The following ARID3B variants were observed in gnomAD, a reference collection of about 807,000 sequenced individuals.
ARID3B encodes AT-rich interactive domain-containing protein 3B.
ARID3B carries 10 observed loss-of-function variants against 51.9 expected under a neutral mutation model. That is an observed-to-expected ratio of 0.19 (90% CI 0.12 to 0.33). The LOEUF (loss-of-function observed/expected upper bound fraction) is 0.33, where lower values mean the gene tolerates loss of function less well. Among genes scored for constraint, ARID3B ranks in the 10% least tolerant of loss-of-function variants. The probability of loss-of-function intolerance (pLI) is 1.00; values close to 1 mark genes in which losing one functional copy is unlikely to be tolerated. For missense variants in ARID3B, 483 were observed against 716.3 expected (o/e 0.67, Z 3.72); for synonymous variants, 205 against 279.5 (o/e 0.73, Z 2.66).
intron 2 of ARID3B, among the ~76,000 whole-genome samples, chr15:74,562,782 A>G (rs1221482148): frequency 1.3e-5 from 2 of 152,258 alleles, no homozygotes; most frequent in African/African-American, 4.8e-5. Flanking sequence ...GTATGGGAAT[A>G]TGGGAGATCC....
intron 2 of ARID3B, among the ~76,000 whole-genome samples, chr15:74,562,854 T>G (rs2061683785): frequency 6.6e-6 from 1 of 152,258 alleles, no homozygotes; most frequent in African/African-American, 2.4e-5. Context: ...ATTTTACATA[T>G]GAATCATGGG....
chr15:74,586,798 T>G (rs1298047489), intron 4 of ARID3B, among the ~76,000 whole-genome samples: 1 of 152,236 alleles, frequency 6.6e-6, no homozygotes, highest in East Asian at 1.9e-4. Flanking sequence ...ACAGTCCTCC[T>G]GGGATATCGG....
chr15:74,569,930 C>T (rs561886967), intron 2 of ARID3B, among the ~76,000 whole-genome samples: 26 of 152,198 alleles, frequency 1.7e-4, no homozygotes, highest in Admixed American at 7.2e-4. Flanking sequence ...TGGAGCTGGA[C>T]GAAAGAAAAT....
In ARID3B at chr15:74,589,867, C is replaced by G. The variant is rs2061796890; in HGVS notation, c.745C>G (p.Leu249Val). ...CATCATGGCCAAACAGATCCTGGAC[C>G]TGTACATGCTGTATAAGCTGGTGAC... ...IPIMAKQILDLYMLYKLVTEK... is the reference protein window; with the variant it reads ...IPIMAKQILDVYMLYKLVTEK... The change falls in exon 5 of 9, where the codon CTG becomes GTG. Residue 249 changes from leucine (L) to valine (V), a missense_variant. By Grantham distance (32) the Leu-to-Val change is conservative (BLOSUM62 1). Around this residue, in one of 3 missense-constraint regions of ARID3B, gnomAD observed 36 missense variants for 117.5 expected, o/e 0.31. Transcript: ENST00000346246. The G allele has an allele frequency of 6.2e-7, 1 of 1,613,976 alleles. No individual in the cohort carries two copies. Among genetic ancestry groups the G allele is most frequent in the Non-Finnish European group, 8.5e-7 (1 of 1,179,908 alleles).
At position 74,572,524 on chromosome 15, in the gene ARID3B, G is replaced by A. The variant is rs944712315; in HGVS notation, c.553-338G>A. Among the ~76,000 whole-genome samples, 18 of 152,324 alleles carry A rather than the reference G, an allele frequency of 1.2e-4. 1 individual carries two copies. In the South Asian group the frequency reaches 2.1e-3, roughly 18 times the overall value. On this transcript the variant is annotated intron_variant, in intron 2 of 8. Transcript: ENST00000346246. ...GTGATGGCTTCTGGCGATCAGCCGG[G>A]AATGAGCCCCTTCTAAGCAACGTGG...
At chr15:74,552,028 T>A (rs548568225) in intron 2 of ARID3B, among the ~76,000 whole-genome samples, 1 of 151,312 alleles carries the variant, frequency 6.6e-6, no homozygotes, top group Non-Finnish European at 1.5e-5. Flanking sequence ...ATGCTTATTT[T>A]CTTTTCCTTT....
chr15:74,542,592 G>A (rs960163691), intron 1 of ARID3B, among the ~76,000 whole-genome samples: 1 of 152,172 alleles, frequency 6.6e-6, no homozygotes, highest in Non-Finnish European at 1.5e-5. Context: ...TTACTTCTCC[G>A]TGAATTTTTG....
chr15:74,545,756 G>A (rs752482570), intron 2 of ARID3B, among the ~76,000 whole-genome samples: 8 of 152,194 alleles, frequency 5.3e-5, no homozygotes, highest in Non-Finnish European at 1.2e-4. Flanking sequence ...AAACATCTTG[G>A]ATCAGGAGGT....
chr15:74,589,517 AAAAC>A (rs1323528256), intron 4 of ARID3B, among the ~76,000 whole-genome samples: 3 of 152,172 alleles, frequency 2.0e-5, no homozygotes, highest in Non-Finnish European at 4.4e-5. Context: ...AACAAAAACA[AAAAC>A]ACACACACAC....
At chr15:74,546,984 AAAT>A (rs962793941) in intron 2 of ARID3B, among the ~76,000 whole-genome samples, 1 of 152,158 alleles carries the variant, frequency 6.6e-6, no homozygotes, top group Non-Finnish European at 1.5e-5. Flanking sequence ...GAAGGGCCAA[AAAT>A]AATAATATTC....
chr15:74,558,382 G>T (rs1567118132), intron 2 of ARID3B, among the ~76,000 whole-genome samples: 1 of 150,778 alleles, frequency 6.6e-6, no homozygotes. Context: ...CTACTTTATG[G>T]CTCTTTAAAA....
At chr15:74,546,920 A>G (rs2061617937) in intron 2 of ARID3B, among the ~76,000 whole-genome samples, 2 of 152,168 alleles carry the variant, frequency 1.3e-5, no homozygotes, top group South Asian at 4.1e-4. Flanking sequence ...CCTGATTTTA[A>G]AGGAGTAAAT....
At position 74,596,153 on chromosome 15, in the gene ARID3B, G is replaced by T; in HGVS notation, c.*379G>T. ...CCCTCCCCTTTTAATTTATTTCCCT[G>T]ACCCTGCCTTCTGCCATGACCCCAG... On this transcript the variant is annotated 3_prime_UTR_variant, in exon 9 of 9. Coordinates refer to ENST00000346246, the MANE Select transcript of ARID3B (RefSeq NM_006465.4). 3.8e-6 allele frequency: 1 copy of T among 265,864 alleles called. No individual in the cohort carries two copies. The highest frequency in any genetic ancestry group is 2.2e-5 in the African/African-American group (1 of 46,262). 16.5% of individuals were successfully genotyped at this position (265,864 alleles called of 1,614,324 possible). A position where few individuals can be genotyped will look rare whatever the true frequency, so the allele number is the denominator to read the frequency against.
intron 4 of ARID3B, among the ~76,000 whole-genome samples, chr15:74,579,741 C>G (rs923234451): frequency 1.3e-5 from 2 of 152,106 alleles, no homozygotes; most frequent in African/African-American, 4.8e-5. Flanking sequence ...TCGATTGTCC[C>G]CCACCACCCT....
chr15:74,544,547 G>A, intron 2 of ARID3B, 59 bp downstream of exon 2: 1 of 1,545,384 alleles, frequency 6.5e-7, no homozygotes, highest in Non-Finnish European at 8.8e-7. Flanking sequence ...GAGGGGTCAT[G>A]GACTGACAGG....
At position 74,544,446 on chromosome 15, in the gene ARID3B, A is replaced by G. The variant is rs1222286638; in HGVS notation, c.510A>G (p.Thr170=). 1 of 1,614,144 alleles carries G rather than the reference A, an allele frequency of 6.2e-7. No individual in the cohort carries two copies. Among genetic ancestry groups the G allele is most frequent in the Non-Finnish European group, 8.5e-7 (1 of 1,180,004 alleles). The change falls in exon 2 of 9, where the codon ACA becomes ACG. Residue 170 remains threonine (T), a synonymous_variant. Coordinates refer to ENST00000346246, the MANE Select transcript of ARID3B (RefSeq NM_006465.4). ...CCAAGGCCTCACCTTCTGTCTCCAC[A>G]GCAGGACAGCCGAACTGGAATCTGG... is the stretch of plus-strand genomic sequence containing the variant. ...DASKASPSVS[T]AGQPNWNLDE... is the part of the protein sequence containing the mutation.
intron 2 of ARID3B, among the ~76,000 whole-genome samples, chr15:74,547,024 C>T (rs994239812): frequency 6.6e-6 from 1 of 152,122 alleles, no homozygotes; most frequent in African/African-American, 2.4e-5. Context: ...GAAACCATTA[C>T]AGATCATTAG....
At chr15:74,543,824 C>A (rs1457471757) in intron 1 of ARID3B, 36 bp from the exon 2 acceptor site, 5 of 1,389,666 alleles carry the variant, frequency 3.6e-6, no homozygotes, top group Non-Finnish European at 4.9e-6. Context: ...GTTGTTTTTT[C>A]CCCCTCCTTC....
Position 74,543,914 on chromosome 15 carries a change from T to C in ARID3B, c.-23T>C. 6.3e-7 allele frequency: 1 copy of C among 1,593,120 alleles called. No individual in the cohort carries two copies. The highest frequency in any genetic ancestry group is 1.2e-5 in the South Asian group (1 of 86,306). Reference sequence around the variant, plus strand: ...GCCCAGGTTCAGAGTCATGCCACTCTGTGGGTGAAGCTTGAGGCAAAAATG... The same window carrying C: ...GCCCAGGTTCAGAGTCATGCCACTCCGTGGGTGAAGCTTGAGGCAAAAATG... On this transcript the variant is annotated 5_prime_UTR_variant, in exon 2 of 9. Coordinates refer to ENST00000346246, the MANE Select transcript of ARID3B (RefSeq NM_006465.4).
Sources: allele counts gnomAD v4.1 joint callset (sites outside exome capture counted in the v4.1 genomes callset), GRCh38; gene constraint gnomAD v4.1.1; regional missense constraint gnomAD v4.1.1; transcripts MANE v1.5; gene names NCBI Gene and HGNC (gene_info 2026-07-23, HGNC 2026-07-21).